Variants in ATXN1 observed in about 807,000 individuals in gnomAD.
ATXN1 encodes the protein ataxin 1.
Under a neutral mutation model 56.4 loss-of-function variants are expected in ATXN1, and 8 were observed. The ratio of observed to expected loss-of-function variants is 0.14; its 90% CI spans 0.08 to 0.26. The LOEUF (loss-of-function observed/expected upper bound fraction) is 0.26, where lower values mean the gene tolerates loss of function less well. Ranked by LOEUF, ATXN1 falls within the 10% of genes least tolerant of loss-of-function variation. ATXN1 has a pLI of 1.00. For synonymous variants in ATXN1, 514 were observed against 494.6 expected (o/e 1.04, Z -0.52); for missense variants, 987 against 1,106.5 (o/e 0.89, Z 1.53).
chr6:16,534,340 G>A (rs1761557109), intron 4 of ATXN1, among the ~76,000 whole-genome samples: 1 of 151,514 alleles, frequency 6.6e-6, no homozygotes, highest in South Asian at 2.1e-4. Context: ...TGACAGTTTT[G>A]TTAGAGAATT....
intron 2 of ATXN1, among the ~76,000 whole-genome samples, chr6:16,701,589 T>C (rs757421194): frequency 4.6e-5 from 7 of 152,278 alleles, no homozygotes; most frequent in Non-Finnish European, 7.4e-5. Context: ...GAAAACCCCA[T>C]TGTCTCAGCC....
intron 2 of ATXN1, among the ~76,000 whole-genome samples, chr6:16,693,212 A>G (rs527388287): frequency 6.6e-6 from 1 of 152,344 alleles, no homozygotes; most frequent in Admixed American, 6.5e-5. Context: ...GCAAATGTTT[A>G]GTATCCTTTG....
chr6:16,538,717 G>C (rs184065422), intron 4 of ATXN1, among the ~76,000 whole-genome samples: 48 of 151,868 alleles, frequency 3.2e-4, no homozygotes, highest in African/African-American at 1.2e-3. Context: ...AGATAGTCTC[G>C]CTCTGTCACC....
intron 2 of ATXN1, among the ~76,000 whole-genome samples, chr6:16,669,940 G>C (rs1270821522): frequency 6.6e-6 from 1 of 151,976 alleles, no homozygotes; most frequent in African/African-American, 2.4e-5. Flanking sequence ...CTGAGCACCT[G>C]TCACCTCAGA....
intron 4 of ATXN1, among the ~76,000 whole-genome samples, chr6:16,530,899 C>T (rs1393025474): frequency 6.6e-6 from 1 of 152,112 alleles, no homozygotes; most frequent in Non-Finnish European, 1.5e-5. Flanking sequence ...GCTTATTATA[C>T]ATAATTTTTT....
intron 6 of ATXN1, among the ~76,000 whole-genome samples, chr6:16,349,221 C>T (rs1417352785): frequency 1.3e-5 from 2 of 152,172 alleles, no homozygotes; most frequent in Admixed American, 6.5e-5. Context: ...ATCACATTTT[C>T]AGGCTGGGCA....
At chr6:16,519,140 T>C (rs768793006) in intron 5 of ATXN1, among the ~76,000 whole-genome samples, 2 of 152,128 alleles carry the variant, frequency 1.3e-5, no homozygotes, top group Non-Finnish European at 2.9e-5. Flanking sequence ...TTGTGAGCAT[T>C]AGAGAAATTT....
At chr6:16,384,647 C>T (rs1758200371) in intron 6 of ATXN1, among the ~76,000 whole-genome samples, 1 of 152,164 alleles carries the variant, frequency 6.6e-6, no homozygotes, top group Admixed American at 6.5e-5. Context: ...TAGATTTCTC[C>T]CTCTCTGTTC....
intron 5 of ATXN1, among the ~76,000 whole-genome samples, chr6:16,497,021 T>A (rs1760793559): frequency 6.6e-6 from 1 of 152,222 alleles, no homozygotes; most frequent in Non-Finnish European, 1.5e-5. Flanking sequence ...AATTGTTTTG[T>A]CGAATAAGCT....
At chr6:16,704,906 G>A (rs932557826) in intron 2 of ATXN1, among the ~76,000 whole-genome samples, 1 of 152,168 alleles carries the variant, frequency 6.6e-6, no homozygotes, top group Non-Finnish European at 1.5e-5. Context: ...GCGAGGGGGA[G>A]GGGGCACAGT....
chr6:16,620,544 A>G (rs1763302320), intron 3 of ATXN1, among the ~76,000 whole-genome samples: 1 of 152,190 alleles, frequency 6.6e-6, no homozygotes. Flanking sequence ...CTAGGATCCT[A>G]AGAAATTGGG....
intron 6 of ATXN1, among the ~76,000 whole-genome samples, chr6:16,481,544 A>G (rs1385015229): frequency 6.6e-6 from 1 of 152,154 alleles, no homozygotes; most frequent in Admixed American, 6.5e-5. Flanking sequence ...TAATGCCTGC[A>G]CTCAGAGCAG....
intron 6 of ATXN1, among the ~76,000 whole-genome samples, chr6:16,415,458 G>C (rs545610129): frequency 6.6e-6 from 1 of 152,352 alleles, no homozygotes; most frequent in East Asian, 1.9e-4. Context: ...TCGAACTCCT[G>C]ACCTCAGATG....
chr6:16,706,586 G>A (rs746843087), intron 2 of ATXN1, among the ~76,000 whole-genome samples: 18 of 152,042 alleles, frequency 1.2e-4, no homozygotes, highest in Non-Finnish European at 2.1e-4. Flanking sequence ...TGGTCCGTGC[G>A]TGGTAGTGCA....
intron 2 of ATXN1, among the ~76,000 whole-genome samples, chr6:16,751,115 C>A (rs547853608): frequency 4.6e-5 from 7 of 151,898 alleles, no homozygotes; most frequent in Admixed American, 4.6e-4. Context: ...ATTACAGGAA[C>A]CTGCCACAAT....
At chr6:16,629,262 A>G (rs1250872440) in intron 3 of ATXN1, among the ~76,000 whole-genome samples, 1 of 152,042 alleles carries the variant, frequency 6.6e-6, no homozygotes, top group Non-Finnish European at 1.5e-5. Context: ...TATTGGCCAT[A>G]TGTCTTCTTT....
At chr6:16,363,712 TC>T (rs1761860470) in intron 6 of ATXN1, among the ~76,000 whole-genome samples, 1 of 152,194 alleles carries the variant, frequency 6.6e-6, no homozygotes, top group South Asian at 2.1e-4. Flanking sequence ...TCACCTATCT[TC>T]CCCCTCTCAG....
chr6:16,357,905 A>G (rs1261897523), intron 6 of ATXN1, among the ~76,000 whole-genome samples: 2 of 152,214 alleles, frequency 1.3e-5, no homozygotes, highest in Non-Finnish European at 2.9e-5. Flanking sequence ...GTTAATAAAG[A>G]TAGTAAGACC....
intron 5 of ATXN1, among the ~76,000 whole-genome samples, chr6:16,497,972 G>A (rs1315960765): frequency 6.6e-6 from 1 of 152,052 alleles, no homozygotes; most frequent in Non-Finnish European, 1.5e-5. Flanking sequence ...GGGTCAAAGG[G>A]GTATTTTTTA....
Sources: allele counts gnomAD v4.1 joint callset (sites outside exome capture counted in the v4.1 genomes callset), GRCh38; gene constraint gnomAD v4.1.1; transcripts MANE v1.5; gene names NCBI Gene and HGNC (gene_info 2026-07-23, HGNC 2026-07-21).